Variants in SH3BP2 observed in about 807,000 individuals in gnomAD.
SH3BP2 encodes the protein SH3 domain binding protein 2.
In SH3BP2, 38 loss-of-function variants were observed where a neutral mutation model predicts 56.2. The ratio of observed to expected loss-of-function variants is 0.68; its 90% CI spans 0.52 to 0.89. SH3BP2 has a LOEUF of 0.89. Among genes scored for constraint, SH3BP2 ranks in the 40% least tolerant of loss-of-function variants. SH3BP2 has a pLI of 0.00. For synonymous variants in SH3BP2, 346 were observed against 316.7 expected, an observed-to-expected ratio of 1.09 and a Z score of -0.98; for missense variants, 748 against 762.6, an observed-to-expected ratio of 0.98 and a Z score of 0.23.
chr4:2,811,015 G>T (rs1477505716), intron 1 of SH3BP2, among the ~76,000 whole-genome samples: 3 of 152,264 alleles, frequency 2.0e-5, no homozygotes, highest in Non-Finnish European at 4.4e-5. Context: ...ACAGGCTGGG[G>T]ACGCCAGGGT....
At chr4:2,830,195 C>T (rs1373415733) in intron 8 of SH3BP2, 48 bp downstream of exon 8, 2 of 1,542,234 alleles carry the variant, frequency 1.3e-6, no homozygotes, top group South Asian at 1.2e-5. Context: ...TACAGGGACC[C>T]TGGCCTGGCC....
At position 2,827,619 on chromosome 4, in the gene SH3BP2, C is replaced by A. The variant is rs143009181; in HGVS notation, c.531C>A (p.Asp177Glu). ...YPTDNEDYEH[D>E]DEDDSYLEPD... is the part of the protein sequence containing the mutation. ...CTCCCCATGCAGACTATGAGCACGA[C>A]GATGAGGATGACTCCTACCTGGAGC... The change falls in exon 7 of 13, where the codon GAC becomes GAA. Residue 177 changes from aspartate (D) to glutamate (E), a missense_variant. Around this residue, in one of 3 missense-constraint regions of SH3BP2, gnomAD observed 635 missense variants for 615.0 expected, o/e 1.03. Coordinates refer to ENST00000503393, the MANE Select transcript of SH3BP2 (RefSeq NM_001122681.2). The A allele has an allele frequency of 2.5e-6, 4 of 1,597,510 alleles. No individual in the cohort carries two copies. The highest frequency in any genetic ancestry group is 4.5e-5 in the East Asian group (2 of 44,094).
At chr4:2,811,249 G>C (rs1723737265) in intron 1 of SH3BP2, among the ~76,000 whole-genome samples, 1 of 152,226 alleles carries the variant, frequency 6.6e-6, no homozygotes, top group Non-Finnish European at 1.5e-5. Context: ...TGCACAGCCG[G>C]TTACGGGGCT....
chr4:2,823,572 A>C (rs1451180957), intron 3 of SH3BP2: 2 of 455,378 alleles, frequency 4.4e-6, no homozygotes, highest in East Asian at 1.4e-4. Flanking sequence ...ACTAACAGGC[A>C]GGTGGGCGGT....
At chr4:2,822,318 G>T (rs1304252699) in intron 2 of SH3BP2, among the ~76,000 whole-genome samples, 1 of 152,142 alleles carries the variant, frequency 6.6e-6, no homozygotes, top group Non-Finnish European at 1.5e-5. Context: ...ACCGTGTCCG[G>T]CTAAGTTTTG....
At chr4:2,818,102 C>T (rs1724082407) in intron 1 of SH3BP2, 1 of 575,288 alleles carries the variant, frequency 1.7e-6, no homozygotes, top group East Asian at 1.4e-4. Context: ...TCACGTGCCT[C>T]CCGCGCACGG....
intron 3 of SH3BP2, among the ~76,000 whole-genome samples, chr4:2,824,320 G>A (rs1343155812): frequency 2.0e-5 from 3 of 152,144 alleles, no homozygotes; most frequent in South Asian, 2.1e-4. Context: ...GGAGGGTGGC[G>A]TCCATGTAAA....
intron 1 of SH3BP2, among the ~76,000 whole-genome samples, chr4:2,814,628 G>T (rs1372786177): frequency 6.6e-6 from 1 of 152,166 alleles, no homozygotes; most frequent in Non-Finnish European, 1.5e-5. Context: ...CACCAGCTTT[G>T]GCCGCCCAAC....
At chr4:2,794,559 C>T (rs1470300244) in intron 1 of SH3BP2, among the ~76,000 whole-genome samples, 6 of 152,178 alleles carry the variant, frequency 3.9e-5, no homozygotes, top group Non-Finnish European at 8.8e-5. Context: ...TGGCTCTGTG[C>T]CCTGCGTTAG....
intron 1 of SH3BP2, chr4:2,812,459 G>A (rs1472325207): frequency 2.5e-5 from 39 of 1,550,180 alleles, no homozygotes; most frequent in Non-Finnish European, 3.3e-5. Context: ...AGGGCCATGT[G>A]TTGGGTCAGC....
chr4:2,794,369 C>T (rs231335), intron 1 of SH3BP2: 1 of 152,208 alleles, frequency 6.6e-6, no homozygotes, highest in Admixed American at 6.5e-5. Context: ...CTGGTTCTTC[C>T]CACTCTGTCC....
chr4:2,829,385 G>GGCCTACCATGGGTTGC lies in SH3BP2; in HGVS notation c.587-107_587-92dup, dbSNP rs1560110344. 1 of 1,165,286 alleles carries GGCCTACCATGGGTTGC rather than the reference G, an allele frequency of 8.6e-7. No homozygotes were observed. Among genetic ancestry groups the GGCCTACCATGGGTTGC allele is most frequent in the Admixed American group, 1.7e-5 (1 of 58,650 alleles). The allele number at this position is 1,165,286 out of a possible 1,614,324, so 72.2% of individuals were successfully genotyped here. ...TGCTGGGTGGGCAGGCTGTGGGGTG[G>GGCCTACCATGGGTTGC]GCCTACCATGGGTTGCACTCCTGGT... On this transcript the variant is annotated intron_variant, in intron 7 of 12. Transcript: ENST00000503393. The surrounding 1 kb of genome is among the most constrained non-coding windows in gnomAD (Gnocchi z 4.9).
intron 1 of SH3BP2, chr4:2,811,962 G>C: frequency 3.4e-6 from 1 of 290,234 alleles, no homozygotes; most frequent in Non-Finnish European, 6.7e-6. Flanking sequence ...TGACACCCAG[G>C]GTGCAGGTTG....
At chr4:2,823,497 C>T (rs1271117716) in intron 3 of SH3BP2, 2 of 457,058 alleles carry the variant, frequency 4.4e-6, no homozygotes, top group Non-Finnish European at 4.4e-6. Context: ...TTTCCAGCTT[C>T]ACGCATGTCC....
At chr4:2,827,539 A>G (rs1724736680) in intron 6 of SH3BP2, 67 bp from the exon 7 acceptor site, 3 of 1,499,900 alleles carry the variant, frequency 2.0e-6, no homozygotes, top group Non-Finnish European at 2.7e-6. Flanking sequence ...AGCCCCATGC[A>G]TGGAGCATTG....
rs1186230404 is a variant in SH3BP2 at position 2,839,170 on chromosome 4, T to C, written c.*5336T>C. The C allele has an allele frequency of 6.6e-6, 1 of 151,858 alleles. No homozygotes were observed. Among genetic ancestry groups the C allele is most frequent in the Middle Eastern group, 3.2e-3 (1 of 316 alleles). 9.4% of individuals were successfully genotyped at this position (151,858 alleles called of 1,614,324 possible). On this transcript the variant is annotated 3_prime_UTR_variant, in exon 13 of 13. Transcript: ENST00000503393. ...TTAACTTGTTGTCTTTTTCTTTTTC[T>C]TTTCTTTTTTTTTTTTTCTGAGACA... is the stretch of plus-strand genomic sequence containing the variant.
At position 2,837,081 on chromosome 4, in the gene SH3BP2, T is replaced by A. The variant is rs1725259481; in HGVS notation, c.*3247T>A. On this transcript the variant is annotated 3_prime_UTR_variant, in exon 13 of 13. Coordinates refer to ENST00000503393, the MANE Select transcript of SH3BP2 (RefSeq NM_001122681.2). The stretch of plus-strand genomic sequence containing the variant: ...TTTTTTTTGGGACACAGTCTCACTC[T>A]GTCGCCCAGGCTAGAGTGGATTGGC... The A allele has an allele frequency of 6.6e-6, 1 of 152,260 alleles. No individual in the cohort carries two copies. The highest frequency in any genetic ancestry group is 2.1e-4 in the South Asian group (1 of 4,830). The allele number at this position is 152,260 out of a possible 1,614,324, so 9.4% of individuals were successfully genotyped here. A position where few individuals can be genotyped will look rare whatever the true frequency, so the allele number is the denominator to read the frequency against.
intron 10 of SH3BP2, 119 bp from the exon 11 acceptor site, chr4:2,832,212 A>G: frequency 1.9e-6 from 2 of 1,060,024 alleles, no homozygotes; most frequent in South Asian, 2.5e-5. Flanking sequence ...CGACGTGCTC[A>G]GCTCCTGAGA....
chr4:2,807,645 C>T (rs1044278256), intron 1 of SH3BP2, among the ~76,000 whole-genome samples: 3 of 152,050 alleles, frequency 2.0e-5, no homozygotes, highest in South Asian at 4.1e-4. Flanking sequence ...GGTCCAGTGT[C>T]GGGGGCCCAG....
Sources: gnomAD v4.1 joint callset for allele counts (sites outside exome capture counted in the v4.1 genomes callset) on GRCh38, gnomAD v4.1.1 for gene constraint, gnomAD v4.1.1 regional missense constraint, Gnocchi (gnomAD v3.1) non-coding constraint, MANE v1.5 for transcripts, NCBI Gene and HGNC (gene_info 2026-07-23, HGNC 2026-07-21) for gene names.